The following SH3BP2 variants were observed in gnomAD, a reference collection of about 807,000 sequenced individuals.
SH3BP2 encodes SH3 domain-binding protein 2.
SH3BP2 carries 38 observed loss-of-function variants against 56.2 expected under a neutral mutation model. That is an observed-to-expected ratio of 0.68 (90% confidence interval 0.52 to 0.89). SH3BP2 has a LOEUF of 0.89. Ranked by LOEUF, SH3BP2 falls within the 40% of genes least tolerant of loss-of-function variation. The pLI is 0.00. For synonymous variants in SH3BP2, 346 were observed against 316.7 expected (o/e 1.09, Z -0.98); for missense variants, 748 against 762.6 (o/e 0.98, Z 0.23).
chr4:2,806,750 C>G (rs546934640), intron 1 of SH3BP2, among the ~76,000 whole-genome samples: 6 of 152,244 alleles, frequency 3.9e-5, no homozygotes, highest in Non-Finnish European at 8.8e-5. Flanking sequence ...TGTGGAGGCC[C>G]CCGGGCAGTC....
At chr4:2,800,003 G>A (rs902719114) in intron 1 of SH3BP2, among the ~76,000 whole-genome samples, 3 of 152,138 alleles carry the variant, frequency 2.0e-5, no homozygotes, top group Non-Finnish European at 1.5e-5. Flanking sequence ...CCTCCAAGCA[G>A]TGGCCACAAG....
chr4:2,818,667 C>T (rs1724131393), intron 1 of SH3BP2: 3 of 983,152 alleles, frequency 3.1e-6, no homozygotes, highest in South Asian at 9.6e-5. Flanking sequence ...TCCTTCGGGC[C>T]GGGCGCGGTT....
intron 1 of SH3BP2, among the ~76,000 whole-genome samples, chr4:2,806,354 C>A (rs1723534877): frequency 6.6e-6 from 1 of 152,162 alleles, no homozygotes; most frequent in Non-Finnish European, 1.5e-5. Context: ...TGGGCCCCAG[C>A]CTTGGGTGGG....
chr4:2,829,599 C>T lies in SH3BP2; in HGVS notation c.693C>T (p.Pro231=), dbSNP rs748570052. 2.0e-5 allele frequency: 33 copies of T among 1,612,088 alleles called. No individual in the cohort carries two copies. Among genetic ancestry groups the T allele is most frequent in the South Asian group, 2.0e-4 (18 of 91,050 alleles). Residue 231 remains proline, a synonymous_variant, in exon 8 of 13, where the codon CCC becomes CCT. Coordinates refer to ENST00000503393, the MANE Select transcript of SH3BP2 (RefSeq NM_001122681.2). This position sits in a 1 kb window ranked among gnomAD's most constrained non-coding sequence, Gnocchi z 4.9. ...CCCACTCCTTTACCTCCAAGGGCCC[C>T]GGTCCCCTACTGCCACCCCCGCCCC... ...PRAHSFTSKG[P]GPLLPPPPPK...
intron 1 of SH3BP2, chr4:2,794,057 G>C (rs6846225): frequency 2.0e-5 from 3 of 152,368 alleles, no homozygotes; most frequent in African/African-American, 7.2e-5. Flanking sequence ...TCCTGGTCTA[G>C]TGGCCACACT....
intron 1 of SH3BP2, chr4:2,818,479 G>T: frequency 1.4e-6 from 1 of 735,180 alleles, no homozygotes; most frequent in South Asian, 6.4e-5. Flanking sequence ...CTGGACCAGG[G>T]CCGCGAGCCC....
chr4:2,823,758 C>T (rs1453094196), intron 3 of SH3BP2, among the ~76,000 whole-genome samples: 1 of 152,248 alleles, frequency 6.6e-6, no homozygotes, highest in Admixed American at 6.5e-5. Flanking sequence ...CCCCTCCTGC[C>T]TATGAGGAAC....
At chr4:2,807,579 G>A (rs112359271) in intron 1 of SH3BP2, among the ~76,000 whole-genome samples, 3 of 152,296 alleles carry the variant, frequency 2.0e-5, no homozygotes, top group South Asian at 2.1e-4. Context: ...ATGAGGGAGC[G>A]TTTGGTTTCC....
In SH3BP2 at chr4:2,824,770, G is replaced by T. The variant is rs755473368; in HGVS notation, c.357+40G>T. On this transcript the variant is annotated intron_variant, in intron 4 of 12. Transcript: ENST00000503393. ...GAGGACGAGTGCAAGGTGACTGGGGGTGTGGGCCTGCAGGCACCAGGCTGG... is the reference window on the plus strand; with the variant it reads ...GAGGACGAGTGCAAGGTGACTGGGGTTGTGGGCCTGCAGGCACCAGGCTGG... 1.4e-4 allele frequency: 202 copies of T among 1,464,600 alleles called. 1 individual carries two copies. Among genetic ancestry groups the T allele is most frequent in the Non-Finnish European group, 1.8e-4 (187 of 1,047,018 alleles). 90.7% of individuals were successfully genotyped at this position (1,464,600 alleles called of 1,614,324 possible). A position where few individuals can be genotyped will look rare whatever the true frequency, so the allele number is the denominator to read the frequency against.
At chr4:2,812,163 C>T in intron 1 of SH3BP2, 1 of 1,430,790 alleles carries the variant, frequency 7.0e-7, no homozygotes. Flanking sequence ...AGGGGCAGCC[C>T]TGGGCCCCAG....
chr4:2,831,642 A>AC lies in SH3BP2; in HGVS notation c.1314dup (p.Thr439HisfsTer11). On this transcript the variant is annotated frameshift_variant, in exon 9 of 13. Coordinates refer to ENST00000503393, the MANE Select transcript of SH3BP2 (RefSeq NM_001122681.2). LOFTEE classifies it high-confidence loss of function. The surrounding 1 kb of genome is among the most constrained non-coding windows in gnomAD (Gnocchi z 4.1). ...AAGCCCCGGCAACCCTCACAGGCTG[A>AC]CACTGGCGGGGACGACTCGGACGAG... The AC allele has an allele frequency of 6.2e-7, 1 of 1,606,732 alleles. No individual in the cohort carries two copies. The highest frequency in any genetic ancestry group is 8.5e-7 in the Non-Finnish European group (1 of 1,176,390).
intron 1 of SH3BP2, among the ~76,000 whole-genome samples, chr4:2,803,374 G>A (rs1723391228): frequency 6.6e-6 from 1 of 152,236 alleles, no homozygotes; most frequent in Admixed American, 6.5e-5. Flanking sequence ...TGGGATCCGG[G>A]ATAAGCAGGG....
intron 8 of SH3BP2, among the ~76,000 whole-genome samples, chr4:2,830,922 C>T (rs914789612): frequency 2.0e-5 from 3 of 152,222 alleles, no homozygotes; most frequent in African/African-American, 7.2e-5. Flanking sequence ...TGCCTGCTGC[C>T]TGTGTGGAAG....
chr4:2,833,168 C>G, intron 12 of SH3BP2, 119 bp downstream of exon 12: 1 of 876,332 alleles, frequency 1.1e-6, no homozygotes, highest in Non-Finnish European at 1.9e-6. Flanking sequence ...TCCAGGATAC[C>G]GCCCTCCCCT....
Position 2,826,362 on chromosome 4 carries a change from CTG to C in SH3BP2, c.429-864_429-863del, listed in dbSNP as rs201435367. 5.0e-3 allele frequency: 682 copies of C among 135,554 alleles called. 12 individuals are homozygous for C. Among genetic ancestry groups the C allele is most frequent in the African/African-American group, 0.023 (618 of 27,420 alleles). 8.4% of individuals were successfully genotyped at this position (135,554 alleles called of 1,614,324 possible). ...TGTGTGTGCATGTCTGCGTGTTGCTCTGTGTTTGTGTGTGCATGTCCGCGTGT... is the reference window on the plus strand; with the variant it reads ...TGTGTGTGCATGTCTGCGTGTTGCTCTGTTTGTGTGTGCATGTCCGCGTGT... On this transcript the variant is annotated intron_variant, in intron 5 of 12. Transcript: ENST00000503393.
At chr4:2,808,413 G>A (rs77245915) in intron 1 of SH3BP2, among the ~76,000 whole-genome samples, 362 of 152,272 alleles carry the variant, frequency 2.4e-3, no homozygotes, top group Middle Eastern at 0.01. Flanking sequence ...TCCAAATAAG[G>A]TCGTGTTCAC....
chr4:2,813,531 G>A (rs141223486), intron 1 of SH3BP2, among the ~76,000 whole-genome samples: 140 of 152,328 alleles, frequency 9.2e-4, no homozygotes, highest in African/African-American at 3.1e-3. Context: ...GACCCTGGTC[G>A]ATTTAGTGAG....
At chr4:2,826,718 GTT>G in intron 5 of SH3BP2, 1 of 359,698 alleles carries the variant, frequency 2.8e-6, no homozygotes, top group East Asian at 7.4e-5. Context: ...ATGTCCGCAT[GTT>G]GCTCTGTGTG....
intron 1 of SH3BP2, chr4:2,798,973 T>C (rs1723151091): frequency 2.0e-6 from 2 of 985,176 alleles, no homozygotes; most frequent in Non-Finnish European, 2.4e-6. Flanking sequence ...TGTGTGGGAG[T>C]GGCCCCCCAG....
Sources: allele counts gnomAD v4.1 joint callset (sites outside exome capture counted in the v4.1 genomes callset), GRCh38; gene constraint gnomAD v4.1.1; non-coding constraint Gnocchi (gnomAD v3.1); transcripts MANE v1.5; gene names NCBI Gene and HGNC (gene_info 2026-07-23, HGNC 2026-07-21).